Variants in ANO4 observed in about 807,000 individuals in gnomAD.
The protein encoded by ANO4 is anoctamin-4.
A neutral mutation model predicts 141.9 loss-of-function variants in ANO4; 69 were observed. That is an observed-to-expected ratio of 0.49 (90% confidence interval 0.40 to 0.59). The LOEUF (loss-of-function observed/expected upper bound fraction) is 0.59, where lower values mean the gene tolerates loss of function less well. Ranked by LOEUF, ANO4 falls within the 20% of genes least tolerant of loss-of-function variation. The pLI is 0.00. For missense variants in ANO4, 894 were observed against 1,162.2 expected, an observed-to-expected ratio of 0.77 and a Z score of 3.36; for synonymous variants, 350 against 394.3, an observed-to-expected ratio of 0.89 and a Z score of 1.33.
chr12:101,080,478 T>A (rs2049200954), intron 15 of ANO4, among the ~76,000 whole-genome samples: 2 of 152,108 alleles, frequency 1.3e-5, no homozygotes, highest in African/African-American at 4.8e-5. Context: ...TTTTTATAAA[T>A]ATTCTCCAGG....
chr12:100,723,723 A>G (rs1593227965), intron 1 of ANO4, among the ~76,000 whole-genome samples: 1 of 152,228 alleles, frequency 6.6e-6, no homozygotes, highest in Non-Finnish European at 1.5e-5. Flanking sequence ...AGAACCTTTT[A>G]TAAACAATTT....
chr12:100,727,825 C>T (rs1428553505), intron 1 of ANO4, among the ~76,000 whole-genome samples: 3 of 152,208 alleles, frequency 2.0e-5, no homozygotes, highest in Non-Finnish European at 4.4e-5. Flanking sequence ...CTACCCCATC[C>T]TTACCCCTTT....
chr12:100,996,450 C>T (rs2045373308), intron 8 of ANO4, among the ~76,000 whole-genome samples: 1 of 152,000 alleles, frequency 6.6e-6, no homozygotes, highest in African/African-American at 2.4e-5. Context: ...TTTGGGAGAC[C>T]GTAGCAGGTG....
rs55723203 is a variant in ANO4 at position 101,073,566 on chromosome 12, TATA to T, written c.1313-5598_1313-5596del. Reference sequence around the variant, plus strand: ...TGCACATATACCCTAGAACTTAAAGTATAATAATAATAATAATAATAATAATAA... The same window carrying T: ...TGCACATATACCCTAGAACTTAAAGTATAATAATAATAATAATAATAATAA... On this transcript the variant is annotated intron_variant, in intron 14 of 27. Transcript: ENST00000392977. Among the ~76,000 whole-genome samples, 1,232 of 143,620 alleles carry T rather than the reference TATA, an allele frequency of 8.6e-3. 34 individuals carry two copies. The highest frequency in any genetic ancestry group is 0.05 in the Admixed American group (716 of 14,224). The allele number at this position is 143,620 out of a possible 152,430, so 94.2% of individuals were successfully genotyped here.
chr12:100,841,427 A>G (rs901222867), intron 1 of ANO4, among the ~76,000 whole-genome samples: 2 of 152,202 alleles, frequency 1.3e-5, no homozygotes, highest in African/African-American at 4.8e-5. Context: ...CAGAGCTCGT[A>G]TTCTAATGGG....
chr12:100,943,314 C>A (rs1170568994), intron 5 of ANO4, among the ~76,000 whole-genome samples: 1 of 152,170 alleles, frequency 6.6e-6, no homozygotes, highest in Non-Finnish European at 1.5e-5. Context: ...AAGAACAACA[C>A]ATTGGTAATT....
At chr12:100,827,852 A>G (rs919505999) in intron 1 of ANO4, among the ~76,000 whole-genome samples, 1 of 151,970 alleles carries the variant, frequency 6.6e-6, no homozygotes, top group Non-Finnish European at 1.5e-5. Context: ...AAAAGCTCAC[A>G]TGAGATCTCC....
At chr12:100,951,808 C>T (rs2042980010) in intron 5 of ANO4, among the ~76,000 whole-genome samples, 1 of 152,156 alleles carries the variant, frequency 6.6e-6, no homozygotes, top group Non-Finnish European at 1.5e-5. Context: ...CAATTCATCT[C>T]CAGGGTTTTT....
intron 2 of ANO4, among the ~76,000 whole-genome samples, chr12:100,911,600 C>T (rs752581450): frequency 6.6e-6 from 1 of 152,014 alleles, no homozygotes; most frequent in Non-Finnish European, 1.5e-5. Context: ...TTTTTGGGTT[C>T]TGATATAATA....
At chr12:100,898,718 A>G (rs1159047370) in intron 1 of ANO4, among the ~76,000 whole-genome samples, 2 of 152,222 alleles carry the variant, frequency 1.3e-5, no homozygotes, top group Non-Finnish European at 2.9e-5. Context: ...TATAAAAGCT[A>G]AAAGTGCTGT....
At chr12:100,965,432 C>A (rs1045799655) in intron 5 of ANO4, among the ~76,000 whole-genome samples, 1 of 152,100 alleles carries the variant, frequency 6.6e-6, no homozygotes, top group Admixed American at 6.6e-5. Flanking sequence ...TCCTGTGGAC[C>A]ATTCTCTGCA....
chr12:100,903,058 C>T (rs60932546), intron 2 of ANO4, among the ~76,000 whole-genome samples: 6,406 of 152,262 alleles, frequency 0.042, 454 homozygotes, highest in African/African-American at 0.15. Flanking sequence ...CCTTCCAAGC[C>T]AAACTTCTGA....
At chr12:100,921,577 T>A (rs540074418) in intron 2 of ANO4, among the ~76,000 whole-genome samples, 1 of 152,204 alleles carries the variant, frequency 6.6e-6, no homozygotes, top group African/African-American at 2.4e-5. Flanking sequence ...TACCTTGGTT[T>A]CTTTGACTTC....
intron 3 of ANO4, among the ~76,000 whole-genome samples, chr12:100,770,909 C>T (rs1487647008): frequency 1.3e-5 from 2 of 150,950 alleles, no homozygotes; most frequent in African/African-American, 4.9e-5. Flanking sequence ...ACTTAGAACA[C>T]AGTTGGGAAG....
chr12:101,049,214 A>G (rs2047758238), intron 14 of ANO4, among the ~76,000 whole-genome samples: 1 of 152,140 alleles, frequency 6.6e-6, no homozygotes, highest in African/African-American at 2.4e-5. Context: ...TATAACTTTA[A>G]TTGCCAAAAT....
chr12:100,772,467 C>T (rs78437202), intron 3 of ANO4, among the ~76,000 whole-genome samples: 1,747 of 152,178 alleles, frequency 0.011, 45 homozygotes, highest in African/African-American at 0.04. Context: ...CCAACACAGA[C>T]GACATGTGAT....
At chr12:100,810,190 G>A (rs1419861935) in intron 1 of ANO4, among the ~76,000 whole-genome samples, 1 of 143,440 alleles carries the variant, frequency 7.0e-6, no homozygotes, top group Non-Finnish European at 1.5e-5. Context: ...GCAAGGTGAT[G>A]TTTGATCAGG....
intron 9 of ANO4, among the ~76,000 whole-genome samples, chr12:101,027,607 C>T (rs116333412): frequency 0.015 from 2,236 of 152,294 alleles, 51 homozygotes; most frequent in African/African-American, 0.051. Flanking sequence ...GCAACAAGAG[C>T]GCCTCTTCAG....
chr12:100,890,974 A>G (rs2040077204), intron 1 of ANO4, among the ~76,000 whole-genome samples: 1 of 152,166 alleles, frequency 6.6e-6, no homozygotes, highest in African/African-American at 2.4e-5. Flanking sequence ...CCTCGTGGCA[A>G]CCACTGATCT....
Sources: gnomAD v4.1 joint callset for allele counts (sites outside exome capture counted in the v4.1 genomes callset) on GRCh38, gnomAD v4.1.1 for gene constraint, MANE v1.5 for transcripts, NCBI Gene and HGNC (gene_info 2026-07-23, HGNC 2026-07-21) for gene names.